SETD1A: variants seen among roughly 807,000 people sequenced by gnomAD.
The protein encoded by SETD1A is histone-lysine N-methyltransferase SETD1A.
SETD1A carries 29 observed loss-of-function variants against 149.9 expected under a neutral mutation model. The observed-to-expected ratio is 0.19, with a 90% CI of 0.14 to 0.26. The LOEUF is 0.26. Among genes scored for constraint, SETD1A ranks in the 10% least tolerant of loss-of-function variants. The pLI, the probability that SETD1A is intolerant of heterozygous loss-of-function variation, is 1.00. For synonymous variants in SETD1A, 1,141 were observed against 968.5 expected (o/e 1.18, Z -3.31); for missense variants, 2,109 against 2,353.1 (o/e 0.90, Z 2.15).
chr16:30,966,159 C>A lies in SETD1A; in HGVS notation c.2278C>A (p.Pro760Thr). The change falls in exon 8 of 19, where the codon CCC (proline) becomes ACC (threonine). Residue 760 changes from proline (P) to threonine (T), a missense_variant. Pro to Thr is a conservative substitution (Grantham distance 38). This residue lies in a region of SETD1A where 431 missense variants were observed against 388.6 expected (regional missense o/e 1.11). Coordinates refer to ENST00000262519, the MANE Select transcript of SETD1A (RefSeq NM_014712.3). ...LPMPMAAEPLPSSSVSGEEAR... is the reference protein window; with the variant it reads ...LPMPMAAEPLTSSSVSGEEAR... ...CATGCCAATGGCAGCCGAGCCCCTG[C>A]CCTCCTCCTCAGTCTCGGGAGAGGA... is the stretch of plus-strand genomic sequence containing the variant. The A allele has an allele frequency of 1.7e-5, 27 of 1,608,516 alleles. No homozygotes were observed. The highest frequency in any genetic ancestry group is 2.1e-5 in the Non-Finnish European group (25 of 1,176,998).
At position 30,961,700 on chromosome 16, in the gene SETD1A, T is replaced by C. The variant is rs1055029247; in HGVS notation, c.517+163T>C. 7.2e-5 allele frequency among the ~76,000 whole-genome samples: 11 copies of C among 151,948 alleles called. No individual in the cohort carries two copies. Among genetic ancestry groups the C allele is most frequent in the African/African-American group, 9.7e-5 (4 of 41,344 alleles). On this transcript the variant is annotated intron_variant, in intron 4 of 18. Coordinates refer to ENST00000262519, the MANE Select transcript of SETD1A (RefSeq NM_014712.3). This position sits in a 1 kb window ranked among gnomAD's most constrained non-coding sequence, Gnocchi z 4.0. Reference sequence around the variant, plus strand: ...GATTTTAGAGTGGAATTATGGTACATGGATTTTTGTGTGTGTGGTGTCTCC... The same window carrying C: ...GATTTTAGAGTGGAATTATGGTACACGGATTTTTGTGTGTGTGGTGTCTCC...
intron 3 of SETD1A, among the ~76,000 whole-genome samples, chr16:30,959,559 A>G (rs747296574): frequency 4.6e-5 from 7 of 152,066 alleles, no homozygotes; most frequent in South Asian, 2.1e-4. Flanking sequence ...GGGTAGCACT[A>G]TTCCCCGCCT....
At position 30,971,625 on chromosome 16, in the gene SETD1A, G is replaced by A. The variant is rs370157586; in HGVS notation, c.3264G>A (p.Thr1088=). 17 of 1,613,534 alleles carry A rather than the reference G, an allele frequency of 1.1e-5. No homozygotes were observed. The highest frequency in any genetic ancestry group is 9.9e-5 in the South Asian group (9 of 91,044). The change falls in exon 13 of 19, where the codon ACG becomes ACA. Residue 1088 remains threonine, a synonymous_variant. Coordinates refer to ENST00000262519, the MANE Select transcript of SETD1A (RefSeq NM_014712.3). ...CCCCCAGAGAAGTCCCAGTGCCCAC[G>A]CCAGCACCTGTGGAGGTGCCAGTGC... is the stretch of plus-strand genomic sequence containing the variant. The part of the protein sequence containing the change: ...SPPPREVPVP[T]PAPVEVPVPE...
rs372410954 is a variant in SETD1A, at chr16:30,977,775, G to A, written c.3359-1370G>A. 8.3e-4 allele frequency among the ~76,000 whole-genome samples: 126 copies of A among 152,344 alleles called. 1 individual carries two copies. Among genetic ancestry groups the A allele is most frequent in the African/African-American group, 2.9e-3 (122 of 41,580 alleles). On this transcript the variant is annotated intron_variant, in intron 13 of 18. Transcript: ENST00000262519. ...CTCAGGGCGCCAGGGTTGGGAGTGCGGTGGACTCAGGTGAATCGCTGCCTC... is the reference window on the plus strand; with the variant it reads ...CTCAGGGCGCCAGGGTTGGGAGTGCAGTGGACTCAGGTGAATCGCTGCCTC...
chr16:30,963,680 C>T, intron 5 of SETD1A, 126 bp downstream of exon 5: 1 of 1,056,808 alleles, frequency 9.5e-7, no homozygotes, highest in Non-Finnish European at 1.3e-6. Context: ...AGCAAAGCTG[C>T]TGAGATGCTT....
rs745707606 is a variant in SETD1A, at chr16:30,980,460, C to T, written c.4409-25C>T. ...GGGACGCAGGTGGCCAGAGAGGAGC[C>T]GTTCTCTTCCTTAACACCCTGCACT... On this transcript the variant is annotated intron_variant, in intron 14 of 18. Transcript: ENST00000262519. The surrounding 1 kb of genome is among the most constrained non-coding windows in gnomAD (Gnocchi z 7.7). 1.2e-5 allele frequency: 19 copies of T among 1,597,464 alleles called. No individual in the cohort carries two copies. In the South Asian group the frequency reaches 1.7e-4, roughly 14 times the overall value.
Position 30,963,461 on chromosome 16 carries a change from A to G in SETD1A, c.546A>G (p.Leu182=), listed in dbSNP as rs774143878. The G allele has an allele frequency of 6.2e-7, 1 of 1,612,054 alleles. No individual in the cohort carries two copies. The highest frequency in any genetic ancestry group is 1.1e-5 in the South Asian group (1 of 90,810). Residue 182 remains leucine (L), a synonymous_variant, in exon 5 of 19, where the codon CTA becomes CTG. Coordinates refer to ENST00000262519, the MANE Select transcript of SETD1A (RefSeq NM_014712.3). ...KGQQRMKYYE[L]IVNGSYTPQT... is the part of the protein sequence containing the mutation. The stretch of plus-strand genomic sequence containing the variant: ...AACAACGAATGAAATACTATGAACT[A>G]ATTGTCAATGGCTCCTACACCCCTC...
intron 4 of SETD1A, among the ~76,000 whole-genome samples, chr16:30,962,566 T>C (rs1308731834): frequency 6.6e-6 from 1 of 152,226 alleles, no homozygotes; most frequent in Non-Finnish European, 1.5e-5. Flanking sequence ...CAGATTGCAG[T>C]ATTGTCTGGA....
rs958584834 is a variant in SETD1A, at chr16:30,957,780, G to C, written c.-200G>C. On this transcript the variant is annotated 5_prime_UTR_variant, in exon 1 of 19. Coordinates refer to ENST00000262519, the MANE Select transcript of SETD1A (RefSeq NM_014712.3). ...TCAAGGTCCCGGGCCGCAGCATCTA[G>C]ATCGTCGTGGCGAAGCCGACTCTCC... 6.6e-6 allele frequency: 1 copy of C among 152,246 alleles called. No homozygotes were observed. The highest frequency in any genetic ancestry group is 1.5e-5 in the Non-Finnish European group (1 of 68,042). The allele number at this position is 152,246 out of a possible 1,614,324, so 9.4% of individuals were successfully genotyped here.
At chr16:30,974,529 C>T in intron 13 of SETD1A, among the ~76,000 whole-genome samples, 1 of 152,126 alleles carries the variant, frequency 6.6e-6, no homozygotes, top group East Asian at 1.9e-4. Flanking sequence ...AGGGAGTGGC[C>T]TTGTATCACC....
intron 7 of SETD1A, 37 bp from the exon 8 acceptor site, chr16:30,965,563 AG>A (rs1234977345): frequency 3.6e-5 from 58 of 1,602,922 alleles, no homozygotes; most frequent in Non-Finnish European, 4.9e-5. Flanking sequence ...GGCTTGGGTC[AG>A]GCAGAAGCCT....
At position 30,966,210 on chromosome 16, in the gene SETD1A, G is replaced by C; in HGVS notation, c.2329G>C (p.Ala777Pro). ...EEARLPPREE[A>P]ELAEGKTLPT... ...GGCCCGGCTGCCACCCAGGGAAGAA[G>C]CAGAGCTGGCAGAGGGCAAGACCCT... Residue 777 changes from alanine to proline, a missense_variant, in exon 8 of 19, where the codon GCA becomes CCA. This residue lies in a region of SETD1A where 431 missense variants were observed against 388.6 expected (regional missense o/e 1.11). Transcript: ENST00000262519. 6.2e-7 allele frequency: 1 copy of C among 1,613,428 alleles called. No homozygotes were observed. Among genetic ancestry groups the C allele is most frequent in the Non-Finnish European group, 8.5e-7 (1 of 1,179,882 alleles).
intron 12 of SETD1A, 59 bp from the exon 13 acceptor site, chr16:30,971,319 C>T (rs995419616): frequency 2.0e-6 from 3 of 1,512,054 alleles, no homozygotes; most frequent in Non-Finnish European, 8.9e-7. Context: ...AGTGAGGAGC[C>T]CACGGCTGGC....
Position 30,980,759 on chromosome 16 carries a change from C to T in SETD1A, c.4602C>T (p.Ser1534=), listed in dbSNP as rs143443130. Residue 1534 remains serine (S), a synonymous_variant, in exon 16 of 19, where the codon TCC becomes TCT. Coordinates refer to ENST00000262519, the MANE Select transcript of SETD1A (RefSeq NM_014712.3). This position sits in a 1 kb window ranked among gnomAD's most constrained non-coding sequence, Gnocchi z 7.7. ...CACAGGGGACGAACCGCGTGCTGTCCGAGCGCCGGTCCGAGCAGCGGCGGC... is the reference window on the plus strand; with the variant it reads ...CACAGGGGACGAACCGCGTGCTGTCTGAGCGCCGGTCCGAGCAGCGGCGGC... ...VDTQGTNRVL[S]ERRSEQRRLL... The T allele has an allele frequency of 1.5e-4, 249 of 1,612,788 alleles. No individual in the cohort carries two copies. The highest frequency in any genetic ancestry group is 1.8e-4 in the Non-Finnish European group (218 of 1,179,790).
chr16:30,967,594 C>T lies in SETD1A; in HGVS notation c.2770+6C>T, dbSNP rs751783729. The stretch of plus-strand genomic sequence containing the variant: ...TGCTGAGGAAGATGAAGACGGTGAG[C>T]AGGGTCAGGCATAAGGAGAAGGGGT... On this transcript the variant is annotated splice_donor_region_variant and intron_variant, in intron 10 of 18. Coordinates refer to ENST00000262519, the MANE Select transcript of SETD1A (RefSeq NM_014712.3). 1 of 1,612,492 alleles carries T rather than the reference C, an allele frequency of 6.2e-7. No homozygotes were observed. Among genetic ancestry groups the T allele is most frequent in the South Asian group, 1.1e-5 (1 of 91,046 alleles).
Position 30,961,574 on chromosome 16 carries a change from C to T in SETD1A, c.517+37C>T. 4.4e-6 allele frequency: 7 copies of T among 1,603,726 alleles called. No homozygotes were observed. The highest frequency in any genetic ancestry group is 6.0e-6 in the Non-Finnish European group (7 of 1,176,218). On this transcript the variant is annotated intron_variant, in intron 4 of 18. Transcript: ENST00000262519. The surrounding 1 kb of genome is among the most constrained non-coding windows in gnomAD (Gnocchi z 4.0). The stretch of plus-strand genomic sequence containing the variant: ...TCTGCCTGCCACTCAGGCTTGGCCT[C>T]CAGCGGAGGTTGTACATGCAAATGC...
rs760531303 is a variant in SETD1A at position 30,980,861 on chromosome 16, C to G, written c.4692+12C>G. 4 of 688,280 alleles carry G rather than the reference C, an allele frequency of 5.8e-6. No homozygotes were observed. The highest frequency in any genetic ancestry group is 9.4e-6 in the Non-Finnish European group (4 of 427,280). The allele number at this position is 688,280 out of a possible 1,614,324, so 42.6% of individuals were successfully genotyped here. On this transcript the variant is annotated intron_variant, in intron 16 of 18. Coordinates refer to ENST00000262519, the MANE Select transcript of SETD1A (RefSeq NM_014712.3). The surrounding 1 kb of genome is among the most constrained non-coding windows in gnomAD (Gnocchi z 7.7). ...TCAACCAGCTCAAGGTGAGGCTGGGCTGCAGGAGGGGCTGGGTGGGGTGGG... is the reference window on the plus strand; with the variant it reads ...TCAACCAGCTCAAGGTGAGGCTGGGGTGCAGGAGGGGCTGGGTGGGGTGGG...
In SETD1A at chr16:30,971,433, T is replaced by C; in HGVS notation, c.3072T>C (p.Asp1024=). Residue 1024 remains aspartate (D), a synonymous_variant, in exon 13 of 19, where the codon GAT becomes GAC. Transcript: ENST00000262519. ...SSKCSLYADS[D]GENDSTSDSE... ...AATGTTCTCTGTATGCTGACTCAGA[T>C]GGCGAAAATGACAGCACATCAGACT... is the stretch of plus-strand genomic sequence containing the variant. The C allele has an allele frequency of 6.2e-7, 1 of 1,612,752 alleles. No individual in the cohort carries two copies.
chr16:30,962,823 T>C (rs527759649), intron 4 of SETD1A, among the ~76,000 whole-genome samples: 1 of 152,348 alleles, frequency 6.6e-6, no homozygotes, highest in African/African-American at 2.4e-5. Flanking sequence ...TTCATGCTTA[T>C]AATCCCAGCT....
Sources: allele counts gnomAD v4.1 joint callset (sites outside exome capture counted in the v4.1 genomes callset), GRCh38; gene constraint gnomAD v4.1.1; regional missense constraint gnomAD v4.1.1; non-coding constraint Gnocchi (gnomAD v3.1); transcripts MANE v1.5; gene names NCBI Gene and HGNC (gene_info 2026-07-23, HGNC 2026-07-21).